SNTG1: variants seen among roughly 807,000 people sequenced by gnomAD.
The protein encoded by SNTG1 is gamma-1-syntrophin.
Under a neutral mutation model 74.7 loss-of-function variants are expected in SNTG1, and 39 were observed. That is an observed-to-expected ratio of 0.52 (90% CI 0.40 to 0.68). The LOEUF is 0.68. SNTG1 is among the 30% of genes least tolerant of loss of function. The pLI is 0.00. For missense variants in SNTG1, 685 were observed against 609.5 expected, an observed-to-expected ratio of 1.12 and a Z score of -1.30; for synonymous variants, 254 against 217.1, an observed-to-expected ratio of 1.17 and a Z score of -1.49.
intron 2 of SNTG1, among the ~76,000 whole-genome samples, chr8:50,336,196 C>T (rs188309614): frequency 8.7e-4 from 132 of 152,256 alleles, no homozygotes; most frequent in Admixed American, 2.6e-3. Context: ...TCTTAATGTT[C>T]CAGGGGAAAT....
At chr8:50,261,400 T>C (rs1275847804) in intron 2 of SNTG1, among the ~76,000 whole-genome samples, 1 of 152,142 alleles carries the variant, frequency 6.6e-6, no homozygotes, top group African/African-American at 2.4e-5. Flanking sequence ...ACAATGAATG[T>C]TAGTTCTTCG....
chr8:50,497,824 T>C (rs575726134), intron 8 of SNTG1, among the ~76,000 whole-genome samples: 2 of 152,214 alleles, frequency 1.3e-5, no homozygotes, highest in East Asian at 1.9e-4. Context: ...TATACATTTG[T>C]TTACATTTTC....
At position 50,552,719 on chromosome 8, in the gene SNTG1, G is replaced by A. The variant is rs556237112; in HGVS notation, c.681-331G>A. Among the ~76,000 whole-genome samples the A allele has an allele frequency of 2.8e-3, 431 of 152,196 alleles. 1 individual carries two copies. Among genetic ancestry groups the A allele is most frequent in the African/African-American group, 9.6e-3 (399 of 41,524 alleles). On this transcript the variant is annotated intron_variant, in intron 11 of 18. Coordinates refer to ENST00000642720, the MANE Select transcript of SNTG1 (RefSeq NM_018967.5). ...GTAGCCAAAATAATAAGTAAACTAC[G>A]CATAATGTTATAGCAAACTGGGAAA... is the stretch of plus-strand genomic sequence containing the variant.
intron 2 of SNTG1, among the ~76,000 whole-genome samples, chr8:50,269,113 A>G (rs2087640160): frequency 6.6e-6 from 1 of 152,242 alleles, no homozygotes; most frequent in Non-Finnish European, 1.5e-5. Flanking sequence ...TTACTGGTTT[A>G]AACATGAAAT....
chr8:50,472,355 A>G (rs1369525533), intron 8 of SNTG1, among the ~76,000 whole-genome samples: 1 of 152,224 alleles, frequency 6.6e-6, no homozygotes, highest in Non-Finnish European at 1.5e-5. Flanking sequence ...CACATTGTAG[A>G]TGTGATGAAG....
intron 1 of SNTG1, among the ~76,000 whole-genome samples, chr8:49,956,623 A>G (rs879462893): frequency 2.0e-5 from 3 of 152,224 alleles, no homozygotes; most frequent in African/African-American, 4.8e-5. Flanking sequence ...AGGGTTGCAA[A>G]ATAGCAGTTT....
chr8:49,927,883 T>A (rs1807174111), intron 1 of SNTG1, among the ~76,000 whole-genome samples: 1 of 151,856 alleles, frequency 6.6e-6, no homozygotes, highest in Non-Finnish European at 1.5e-5. Context: ...TTTGGGAGGC[T>A]GAGGGGTCAG....
At chr8:50,394,424 T>C (rs1052363385) in intron 3 of SNTG1, among the ~76,000 whole-genome samples, 159 bp downstream of exon 3, 1 of 152,214 alleles carries the variant, frequency 6.6e-6, no homozygotes, top group African/African-American at 2.4e-5. Flanking sequence ...TCTGCAAAGA[T>C]AGAAAACCTA....
In SNTG1 at chr8:50,184,409, C is replaced by T. The variant is rs575333979; in HGVS notation, c.-28+11774C>T. Among the ~76,000 whole-genome samples, 5 of 152,224 alleles carry T rather than the reference C, an allele frequency of 3.3e-5. No individual in the cohort carries two copies. The South Asian group carries it at 1.0e-3, about 32-fold the overall frequency. On this transcript the variant is annotated intron_variant, in intron 2 of 18. Transcript: ENST00000642720. The stretch of plus-strand genomic sequence containing the variant: ...TCCAACTCCTGACCTCATGATCTGC[C>T]TCCCTTGGCCTCCCAAAGTGCTGGG...
chr8:50,266,680 G>A (rs377079921), intron 2 of SNTG1, among the ~76,000 whole-genome samples: 79,527 of 136,070 alleles, frequency 0.58, 25,830 homozygotes, highest in East Asian at 0.85. Flanking sequence ...GTGTGTGTGT[G>A]TGTGTATATA....
chr8:50,477,693 C>A (rs2093707713), intron 8 of SNTG1, among the ~76,000 whole-genome samples: 1 of 152,044 alleles, frequency 6.6e-6, no homozygotes, highest in African/African-American at 2.4e-5. Context: ...GCAAGTGTAC[C>A]ATAGTAATGA....
chr8:50,547,256 G>A (rs1195811508), intron 11 of SNTG1, among the ~76,000 whole-genome samples: 2 of 152,142 alleles, frequency 1.3e-5, no homozygotes, highest in African/African-American at 4.8e-5. Context: ...GGTCCACAAG[G>A]ACTGGTCTCT....
chr8:50,328,501 A>T (rs1038917194), intron 2 of SNTG1, among the ~76,000 whole-genome samples: 3 of 152,188 alleles, frequency 2.0e-5, no homozygotes, highest in African/African-American at 7.2e-5. Context: ...AAAGAGAAGC[A>T]AACACTTTCT....
intron 12 of SNTG1, among the ~76,000 whole-genome samples, chr8:50,567,417 T>C (rs1460589142): frequency 6.6e-6 from 1 of 152,140 alleles, no homozygotes; most frequent in African/African-American, 2.4e-5. Context: ...CTTCCCTATA[T>C]ACCCTATATG....
Position 50,497,282 on chromosome 8 carries a change from A to T in SNTG1, c.364-5496A>T, listed in dbSNP as rs528720159. Among the ~76,000 whole-genome samples the T allele has an allele frequency of 1.6e-4, 24 of 152,050 alleles. No homozygotes were observed. The South Asian group carries it at 3.7e-3, about 24-fold the overall frequency. On this transcript the variant is annotated intron_variant, in intron 8 of 18. Coordinates refer to ENST00000642720, the MANE Select transcript of SNTG1 (RefSeq NM_018967.5). Reference sequence around the variant, plus strand: ...ACCATATTTAACCAATACATGTCATATTTTTCCCATATCTATACCCATATT... The same window carrying T: ...ACCATATTTAACCAATACATGTCATTTTTTTCCCATATCTATACCCATATT...
intron 2 of SNTG1, among the ~76,000 whole-genome samples, chr8:50,186,185 CT>C (rs34079999): frequency 4.6e-5 from 7 of 152,056 alleles, no homozygotes; most frequent in Non-Finnish European, 7.4e-5. Context: ...TGATCTCATT[CT>C]TTTTTATGGC....
At chr8:50,429,257 C>G (rs1210232318) in intron 4 of SNTG1, among the ~76,000 whole-genome samples, 5 of 151,702 alleles carry the variant, frequency 3.3e-5, no homozygotes, top group Non-Finnish European at 7.4e-5. Flanking sequence ...TATGAATAGA[C>G]AGTAATCTAA....
rs79498431 is a variant in SNTG1 at position 50,433,818 on chromosome 8, C to T, written c.163-4725C>T. ...CTCAGAAAACTTGGAGGAAAAAAGTCGAGGGCATAGTTCTCTTCAATAAAC... is the reference window on the plus strand; with the variant it reads ...CTCAGAAAACTTGGAGGAAAAAAGTTGAGGGCATAGTTCTCTTCAATAAAC... On this transcript the variant is annotated intron_variant, in intron 4 of 18. Transcript: ENST00000642720. Among the ~76,000 whole-genome samples the T allele has an allele frequency of 2.6e-3, 392 of 152,192 alleles. 1 individual carries two copies. The highest frequency in any genetic ancestry group is 8.8e-3 in the African/African-American group (367 of 41,530).
At chr8:50,660,195 AGAAAAGAAAAGAAG>A (rs1175284963) in intron 15 of SNTG1, among the ~76,000 whole-genome samples, 1 of 151,742 alleles carries the variant, frequency 6.6e-6, no homozygotes, top group African/African-American at 2.4e-5. Context: ...AAAGAAAGAA[AGAAAAGAAAAGAAG>A]GAAAAGAAAA....
Sources: allele counts gnomAD v4.1 joint callset (sites outside exome capture counted in the v4.1 genomes callset), GRCh38; gene constraint gnomAD v4.1.1; transcripts MANE v1.5; gene names NCBI Gene and HGNC (gene_info 2026-07-23, HGNC 2026-07-21).